The following DBF4 variants were observed in gnomAD, a reference collection of about 807,000 sequenced individuals.
DBF4 encodes protein DBF4 homolog A.
A neutral mutation model predicts 76.6 loss-of-function variants in DBF4; 25 were observed. The ratio of observed to expected loss-of-function variants is 0.33; its 90% CI spans 0.24 to 0.46. DBF4 has a LOEUF of 0.46. Ranked by LOEUF, DBF4 falls within the 20% of genes least tolerant of loss-of-function variation. The pLI is 1.00. For synonymous variants in DBF4, 213 were observed against 258.0 expected (o/e 0.83, Z 1.67); for missense variants, 638 against 760.8 (o/e 0.84, Z 1.90).
intron 11 of DBF4, 93 bp downstream of exon 11, chr7:87,904,509 GCAGT>G: frequency 7.0e-7 from 1 of 1,435,240 alleles, no homozygotes; most frequent in African/African-American, 1.4e-5. Flanking sequence ...GGAGGCTGAG[GCAGT>G]TGGATCACTT....
chr7:87,888,072 T>A lies in DBF4; in HGVS notation c.597+13T>A. The A allele has an allele frequency of 6.5e-7, 1 of 1,541,798 alleles. No homozygotes were observed. Among genetic ancestry groups the A allele is most frequent in the South Asian group, 1.2e-5 (1 of 80,576 alleles). On this transcript the variant is annotated intron_variant, in intron 6 of 11. Coordinates refer to ENST00000265728, the MANE Select transcript of DBF4 (RefSeq NM_006716.4). ...AGTAAGAGATGGGGTATGTTTTCTT[T>A]TTCAATTTTTAAAGTGACCAAGCTT... is the stretch of plus-strand genomic sequence containing the variant.
intron 9 of DBF4, 123 bp downstream of exon 9, chr7:87,900,472 G>A: frequency 3.3e-5 from 38 of 1,165,972 alleles, no homozygotes; most frequent in South Asian, 2.9e-4. Context: ...TTACTATTCT[G>A]ATTACTTTTA....
intron 10 of DBF4, among the ~76,000 whole-genome samples, 186 bp downstream of exon 10, chr7:87,901,064 G>A (rs1562765667): frequency 6.6e-6 from 1 of 152,016 alleles, no homozygotes; most frequent in Non-Finnish European, 1.5e-5. Flanking sequence ...ACTACTCTGG[G>A]CAAACAGCAT....
At chr7:87,889,210 C>A (rs1186142259) in intron 6 of DBF4, among the ~76,000 whole-genome samples, 2 of 151,578 alleles carry the variant, frequency 1.3e-5, no homozygotes, top group Admixed American at 1.3e-4. Context: ...TTGGAAAGAT[C>A]TTCTGGTTGA....
At chr7:87,879,030 C>G (rs552704539) in intron 2 of DBF4, among the ~76,000 whole-genome samples, 3 of 152,196 alleles carry the variant, frequency 2.0e-5, no homozygotes, top group Non-Finnish European at 1.5e-5. Context: ...GCAACCTCCT[C>G]CTCTCAGGTT....
At chr7:87,898,340 T>C (rs1358241272) in intron 8 of DBF4, among the ~76,000 whole-genome samples, 1 of 152,176 alleles carries the variant, frequency 6.6e-6, no homozygotes, top group South Asian at 2.1e-4. Flanking sequence ...TTGGAAGATA[T>C]AATATTGTTA....
chr7:87,883,225 A>G (rs1392575975), intron 2 of DBF4, among the ~76,000 whole-genome samples: 1 of 152,280 alleles, frequency 6.6e-6, no homozygotes, highest in East Asian at 1.9e-4. Flanking sequence ...AGAATAGCCA[A>G]TTTCAGAGAT....
Position 87,908,247 on chromosome 7 carries a change from T to A in DBF4, c.*84T>A. The A allele has an allele frequency of 3.0e-6, 4 of 1,315,138 alleles. No homozygotes were observed. The highest frequency in any genetic ancestry group is 4.0e-6 in the Non-Finnish European group (4 of 1,009,884). The allele number at this position is 1,315,138 out of a possible 1,614,324, so 81.5% of individuals were successfully genotyped here. A position where few individuals can be genotyped will look rare whatever the true frequency, so the allele number is the denominator to read the frequency against. ...AAATATGTATGGAAATTCTTAGGAT[T>A]TTTTTACCAGCTTTGTTTACAGACC... On this transcript the variant is annotated 3_prime_UTR_variant, in exon 12 of 12. Coordinates refer to ENST00000265728, the MANE Select transcript of DBF4 (RefSeq NM_006716.4).
intron 2 of DBF4, among the ~76,000 whole-genome samples, chr7:87,879,446 T>G (rs1173352633): frequency 6.6e-6 from 1 of 152,180 alleles, no homozygotes; most frequent in African/African-American, 2.4e-5. Flanking sequence ...AAAGGTCATG[T>G]TTTCTAGGCC....
intron 10 of DBF4, 34 bp from the exon 11 acceptor site, chr7:87,904,258 A>G (rs759042527): frequency 6.4e-7 from 1 of 1,567,574 alleles, no homozygotes; most frequent in African/African-American, 1.4e-5. Flanking sequence ...TTTTAAATAC[A>G]ATTTTTTGAT....
rs142239854 is a variant in DBF4 at position 87,879,885 on chromosome 7, G to A, written c.219+1660G>A. Among the ~76,000 whole-genome samples the A allele has an allele frequency of 8.8e-3, 1,344 of 151,918 alleles. 12 individuals are homozygous for A. Among genetic ancestry groups the A allele is most frequent in the Non-Finnish European group, 0.016 (1,097 of 67,960 alleles). ...TGAGCATCACTTGAACCTGGGAGGC[G>A]GAGGTTGCAGTGAGCCAAGATTGTG... On this transcript the variant is annotated intron_variant, in intron 2 of 11. Transcript: ENST00000265728.
intron 8 of DBF4, among the ~76,000 whole-genome samples, chr7:87,899,522 A>C (rs1239156536): frequency 6.6e-6 from 1 of 152,238 alleles, no homozygotes; most frequent in Non-Finnish European, 1.5e-5. Flanking sequence ...AACATTACTA[A>C]TCATGAGGGA....
At chr7:87,886,794 C>A in intron 3 of DBF4, 50 bp from the exon 4 acceptor site, 1 of 1,118,858 alleles carries the variant, frequency 8.9e-7, no homozygotes, top group South Asian at 1.3e-5. Context: ...CCTTTTTAAC[C>A]TGTTCTCCAG....
At chr7:87,902,819 T>C (rs1839821225) in intron 10 of DBF4, among the ~76,000 whole-genome samples, 1 of 152,234 alleles carries the variant, frequency 6.6e-6, no homozygotes, top group Admixed American at 6.5e-5. Flanking sequence ...GGAATACATG[T>C]ATATTACAGG....
intron 8 of DBF4, among the ~76,000 whole-genome samples, chr7:87,899,326 T>G (rs1276995283): frequency 6.6e-6 from 1 of 152,238 alleles, no homozygotes; most frequent in African/African-American, 2.4e-5. Flanking sequence ...GTCATGTATC[T>G]ATTTCTTTTT....
At chr7:87,894,402 G>A (rs1469525086) in intron 6 of DBF4, among the ~76,000 whole-genome samples, 4 of 152,116 alleles carry the variant, frequency 2.6e-5, no homozygotes, top group African/African-American at 9.7e-5. Flanking sequence ...GGAGGTTGCA[G>A]AGAGGCAAGA....
chr7:87,900,903 G>A, intron 10 of DBF4, 25 bp downstream of exon 10: 1 of 1,579,106 alleles, frequency 6.3e-7, no homozygotes, highest in Non-Finnish European at 8.7e-7. Context: ...ATATTTTGGG[G>A]GCTTGTTTCG....
chr7:87,897,386 A>T (rs1362588143), intron 8 of DBF4, 47 bp downstream of exon 8: 5 of 1,561,860 alleles, frequency 3.2e-6, no homozygotes, highest in Non-Finnish European at 4.4e-6. Flanking sequence ...AATACTAAAG[A>T]GGAAAATCAC....
chr7:87,877,086 C>T (rs1013774337), intron 1 of DBF4, among the ~76,000 whole-genome samples: 1 of 152,236 alleles, frequency 6.6e-6, no homozygotes, highest in African/African-American at 2.4e-5. Flanking sequence ...CTGTCTGCTC[C>T]CGGGCTCTCG....
Sources: gnomAD v4.1 joint callset for allele counts (sites outside exome capture counted in the v4.1 genomes callset) on GRCh38, gnomAD v4.1.1 for gene constraint, MANE v1.5 for transcripts, NCBI Gene and HGNC (gene_info 2026-07-23, HGNC 2026-07-21) for gene names.